VAV3: variants seen among roughly 807,000 people sequenced by gnomAD.
VAV3 encodes the protein guanine nucleotide exchange factor VAV3.
Under a neutral mutation model 131.2 loss-of-function variants are expected in VAV3, and 94 were observed. The observed-to-expected ratio is 0.72, with a 90% CI of 0.61 to 0.85. The LOEUF (loss-of-function observed/expected upper bound fraction) is 0.85, where lower values mean the gene tolerates loss of function less well. Among genes scored for constraint, VAV3 ranks in the 40% least tolerant of loss-of-function variants. VAV3 has a pLI of 0.00. For synonymous variants in VAV3, 349 were observed against 342.0 expected, an observed-to-expected ratio of 1.02 and a Z score of -0.22; for missense variants, 939 against 1,002.7, an observed-to-expected ratio of 0.94 and a Z score of 0.86.
intron 20 of VAV3, among the ~76,000 whole-genome samples, chr1:107,617,936 C>G (rs770360898): frequency 6.6e-6 from 1 of 152,112 alleles, no homozygotes; most frequent in Admixed American, 6.6e-5. Context: ...TGGACACCAA[C>G]GTTTTTGGCC....
chr1:107,619,649 C>T (rs539489279), intron 20 of VAV3, among the ~76,000 whole-genome samples: 19 of 152,088 alleles, frequency 1.2e-4, no homozygotes, highest in Admixed American at 2.0e-4. Flanking sequence ...GTCTATTTTG[C>T]GAGGAAAGGC....
intron 2 of VAV3, among the ~76,000 whole-genome samples, chr1:107,814,468 G>C (rs764495071): frequency 6.7e-6 from 1 of 149,408 alleles, no homozygotes; most frequent in Non-Finnish European, 1.5e-5. Flanking sequence ...GTTTATTCAT[G>C]TTTTTACATA....
chr1:107,950,880 G>A (rs1307396241), intron 1 of VAV3, among the ~76,000 whole-genome samples: 1 of 152,108 alleles, frequency 6.6e-6, no homozygotes, highest in Admixed American at 6.5e-5. Context: ...AAGTCTAGAG[G>A]TTAGAGAGAG....
chr1:107,777,342 T>C, intron 3 of VAV3, 46 bp from the exon 4 acceptor site: 1 of 1,557,854 alleles, frequency 6.4e-7, no homozygotes, highest in East Asian at 2.2e-5. Flanking sequence ...AACCCATGAG[T>C]GAACGAGCAA....
intron 20 of VAV3, among the ~76,000 whole-genome samples, chr1:107,620,397 C>T (rs1169521583): frequency 2.0e-5 from 3 of 152,134 alleles, no homozygotes; most frequent in Non-Finnish European, 4.4e-5. Context: ...TGTTTAGATA[C>T]ACAAATGTTA....
At chr1:107,803,758 G>C (rs1666932794) in intron 2 of VAV3, among the ~76,000 whole-genome samples, 1 of 151,994 alleles carries the variant, frequency 6.6e-6, no homozygotes, top group Non-Finnish European at 1.5e-5. Context: ...AAGTCATTTA[G>C]GTCTATTTGG....
rs983403116 is a variant in VAV3 at position 107,701,122 on chromosome 1, T to C, written c.1705+3428A>G. On this transcript the variant is annotated intron_variant, in intron 17 of 26. Transcript: ENST00000370056. ...TCTTCTTTTGAGAAGTGTCTGTTCA[T>C]GTCCTTTGCCTGCTTTTTAATGGGG... Among the ~76,000 whole-genome samples the C allele has an allele frequency of 1.4e-4, 21 of 152,224 alleles. 1 individual carries two copies. Among genetic ancestry groups the C allele is most frequent in the Non-Finnish European group, 2.5e-4 (17 of 68,046 alleles).
intron 2 of VAV3, among the ~76,000 whole-genome samples, chr1:107,843,278 A>C (rs1325622559): frequency 6.6e-6 from 1 of 151,596 alleles, no homozygotes; most frequent in Non-Finnish European, 1.5e-5. Flanking sequence ...CAGTTTTTGT[A>C]TATATAAAAT....
chr1:107,910,702 A>G (rs1672324024), intron 1 of VAV3, among the ~76,000 whole-genome samples: 1 of 152,018 alleles, frequency 6.6e-6, no homozygotes, highest in Non-Finnish European at 1.5e-5. Context: ...GCTTGAGGCC[A>G]TGCGTGGTGG....
In VAV3 at chr1:107,730,326, A is replaced by T. The variant is rs150296857; in HGVS notation, c.1502+18642T>A. ...AAGAAACACACATATTTATTTAACG[A>T]TCATCTGAATCCACCCTGATAATTG... On this transcript the variant is annotated intron_variant, in intron 15 of 26. Transcript: ENST00000370056. 8.5e-5 allele frequency among the ~76,000 whole-genome samples: 13 copies of T among 152,322 alleles called. No homozygotes were observed. In the East Asian group the frequency reaches 2.5e-3, roughly 29 times the overall value.
At chr1:107,907,728 C>T (rs184850955) in intron 1 of VAV3, among the ~76,000 whole-genome samples, 1 of 152,054 alleles carries the variant, frequency 6.6e-6, no homozygotes, top group African/African-American at 2.4e-5. Context: ...TGCCCTTCCA[C>T]CTTCCACCTT....
intron 1 of VAV3, among the ~76,000 whole-genome samples, chr1:107,930,360 T>G (rs1466146892): frequency 6.6e-6 from 1 of 152,166 alleles, no homozygotes; most frequent in East Asian, 1.9e-4. Flanking sequence ...TATGAGTACC[T>G]TGATAAAAAA....
intron 1 of VAV3, among the ~76,000 whole-genome samples, chr1:107,925,114 A>T (rs770253745): frequency 6.6e-6 from 1 of 152,212 alleles, no homozygotes; most frequent in Non-Finnish European, 1.5e-5. Flanking sequence ...AAGATGCCAG[A>T]CACAAAAGAG....
chr1:107,757,416 T>C, intron 10 of VAV3, 87 bp from the exon 11 acceptor site: 1 of 1,119,818 alleles, frequency 8.9e-7, no homozygotes, highest in Middle Eastern at 2.2e-4. Context: ...TAAACCATTA[T>C]TATTGGTTTT....
chr1:107,616,972 T>G (rs1171174313), intron 21 of VAV3, among the ~76,000 whole-genome samples: 2 of 152,198 alleles, frequency 1.3e-5, no homozygotes, highest in Admixed American at 1.3e-4. Context: ...AGTTTATCAG[T>G]ATCATAACAC....
intron 2 of VAV3, among the ~76,000 whole-genome samples, chr1:107,820,391 T>C (rs1667747328): frequency 1.3e-5 from 2 of 152,260 alleles, no homozygotes; most frequent in African/African-American, 4.8e-5. Flanking sequence ...TTCTCACTCA[T>C]CTGTGGGAGC....
intron 19 of VAV3, among the ~76,000 whole-genome samples, chr1:107,673,190 C>T (rs1246580450): frequency 6.6e-6 from 1 of 152,178 alleles, no homozygotes; most frequent in Non-Finnish European, 1.5e-5. Context: ...TTTAATGACT[C>T]AAGATTCAAG....
In VAV3 at chr1:107,765,152, C is replaced by T. The variant is rs768269706; in HGVS notation, c.845G>A (p.Cys282Tyr). ...AGAGATGGCTGACTCCACTCCACTGCAGTACTGCCCGTAAATAACCAATCT... is the reference window on the plus strand; with the variant it reads ...AGAGATGGCTGACTCCACTCCACTGTAGTACTGCCCGTAAATAACCAATCT... ...KERLVIYGQY[C>Y]SGVESAISSL... is the part of the protein sequence containing the mutation. Residue 282 changes from cysteine (C) to tyrosine (Y), a missense_variant, in exon 9 of 27, where the codon TGC (cysteine) becomes TAC (tyrosine). Cys to Tyr is a radical substitution (Grantham distance 194). Transcript: ENST00000370056. The T allele has an allele frequency of 1.4e-4, 226 of 1,613,218 alleles. No individual in the cohort carries two copies. The highest frequency in any genetic ancestry group is 1.5e-4 in the Non-Finnish European group (177 of 1,179,462).
chr1:107,640,020 T>A (rs1042266697), intron 20 of VAV3, among the ~76,000 whole-genome samples: 8 of 151,540 alleles, frequency 5.3e-5, no homozygotes, highest in African/African-American at 1.9e-4. Flanking sequence ...TTGGGAGAAA[T>A]GTAACATGGT....
Sources: gnomAD v4.1 joint callset for allele counts (sites outside exome capture counted in the v4.1 genomes callset) on GRCh38, gnomAD v4.1.1 for gene constraint, MANE v1.5 for transcripts, NCBI Gene and HGNC (gene_info 2026-07-23, HGNC 2026-07-21) for gene names.